ADAT1: variants seen among roughly 807,000 people sequenced by gnomAD.
ADAT1 encodes the protein adenosine deaminase tRNA specific 1.
Under a neutral mutation model 58.6 loss-of-function variants are expected in ADAT1, and 58 were observed. That is an observed-to-expected ratio of 0.99 (90% confidence interval 0.80 to 1.23). ADAT1 has a LOEUF of 1.23. Ranked by LOEUF, ADAT1 falls within the 50% of genes most tolerant of loss-of-function variation. The probability of loss-of-function intolerance (pLI) is 0.00; values close to 1 mark genes in which losing one functional copy is unlikely to be tolerated. For missense variants in ADAT1, 741 were observed against 608.6 expected (o/e 1.22, Z -2.29); for synonymous variants, 254 against 220.8 (o/e 1.15, Z -1.33).
chr16:75,615,596 T>A (rs1385991883), intron 5 of ADAT1, among the ~76,000 whole-genome samples: 2 of 150,044 alleles, frequency 1.3e-5, no homozygotes, highest in African/African-American at 4.9e-5. Context: ...CTGGGCTGCA[T>A]GTAGCCAGGC....
intron 8 of ADAT1, among the ~76,000 whole-genome samples, chr16:75,606,183 G>C (rs536232921): frequency 6.6e-6 from 1 of 152,130 alleles, no homozygotes; most frequent in South Asian, 2.1e-4. Context: ...GGTAAGGTTA[G>C]TGTTTTTATC....
At chr16:75,620,487 G>T in intron 2 of ADAT1, 144 bp downstream of exon 2, 2 of 1,391,406 alleles carry the variant, frequency 1.4e-6, no homozygotes, top group Non-Finnish European at 2.0e-6. Context: ...GCCATCAGAG[G>T]TACTGCGTCA....
rs1185557725 is a variant in ADAT1 at position 75,597,170 on chromosome 16, A to G, written c.*3046T>C. ...AACCTCAGAATGTGACTTTAGTTGG[A>G]AATAGAGTCTTTGCAGATCTAGTTA... On this transcript the variant is annotated 3_prime_UTR_variant, in exon 10 of 10. Transcript: ENST00000564657. 9.4e-6 allele frequency: 2 copies of G among 212,088 alleles called. No individual in the cohort carries two copies. The highest frequency in any genetic ancestry group is 4.7e-5 in the African/African-American group (2 of 43,002). 13.1% of individuals were successfully genotyped at this position (212,088 alleles called of 1,614,324 possible).
In ADAT1 at chr16:75,600,307, G is replaced by A. The variant is rs754878846; in HGVS notation, c.1418C>T (p.Ala473Val). ...LDTYQEYKEA[A>V]SSYQEAWSTL... ...GCTCCAGGCTTCCTGGTAAGAGGAC[G>A]CAGCCTCCTTGTACTCCTGGTAGGT... The change falls in exon 10 of 10, where the codon GCG becomes GTG. Residue 473 changes from alanine to valine, a missense_variant. Physicochemically the swap from Ala to Val is moderately conservative, Grantham distance 64. Transcript: ENST00000564657. The A allele has an allele frequency of 1.7e-5, 27 of 1,613,900 alleles. 2 individuals are homozygous for A. In the Middle Eastern group the frequency reaches 1.8e-3, roughly 109 times the overall value.
intron 6 of ADAT1, among the ~76,000 whole-genome samples, chr16:75,610,535 A>G (rs1374054553): frequency 2.6e-5 from 4 of 152,126 alleles, no homozygotes; most frequent in Non-Finnish European, 5.9e-5. Context: ...GGACTCAAGC[A>G]ATCTGCGTGA....
In ADAT1 at chr16:75,599,754, C is replaced by T. The variant is rs1173329455; in HGVS notation, c.*462G>A. ...AAGTCTGAGGCACAGAGCAGGATCA[C>T]TGAAGAATGGGAAAAGAATGGCTCC... is the stretch of plus-strand genomic sequence containing the variant. On this transcript the variant is annotated 3_prime_UTR_variant, in exon 10 of 10. Coordinates refer to ENST00000564657, the MANE Select transcript of ADAT1 (RefSeq NM_001324445.2). 3.0e-6 allele frequency: 3 copies of T among 992,588 alleles called. No homozygotes were observed. Among genetic ancestry groups the T allele is most frequent in the Admixed American group, 1.2e-4 (2 of 17,062 alleles). 61.5% of individuals were successfully genotyped at this position (992,588 alleles called of 1,614,324 possible). A position where few individuals can be genotyped will look rare whatever the true frequency, so the allele number is the denominator to read the frequency against.
Position 75,597,507 on chromosome 16 carries a change from A to G in ADAT1, c.*2709T>C, listed in dbSNP as rs181477086. The G allele has an allele frequency of 1.0e-3, 376 of 367,942 alleles. 2 individuals carry two copies. The highest frequency in any genetic ancestry group is 7.0e-3 in the African/African-American group (332 of 47,576). 22.8% of individuals were successfully genotyped at this position (367,942 alleles called of 1,614,324 possible). The stretch of plus-strand genomic sequence containing the variant: ...GCACCAGGGACTGGTTTCATGGAAG[A>G]TAATTTTTCCACAGATCCGGGGTGG... On this transcript the variant is annotated 3_prime_UTR_variant, in exon 10 of 10. Coordinates refer to ENST00000564657, the MANE Select transcript of ADAT1 (RefSeq NM_001324445.2).
At chr16:75,618,103 A>AAC (rs2081796471) in intron 4 of ADAT1, among the ~76,000 whole-genome samples, 2 of 141,954 alleles carry the variant, frequency 1.4e-5, no homozygotes, top group African/African-American at 5.8e-5. Context: ...GTGTCCAAAA[A>AAC]AAAAAAAAAA....
intron 8 of ADAT1, among the ~76,000 whole-genome samples, chr16:75,604,001 C>T (rs1004943209): frequency 2.6e-5 from 4 of 152,140 alleles, no homozygotes; most frequent in Non-Finnish European, 5.9e-5. Flanking sequence ...AAGGGGAACC[C>T]TGAGCACTCA....
At chr16:75,621,978 T>C (rs1597149851) in intron 1 of ADAT1, among the ~76,000 whole-genome samples, 1 of 152,252 alleles carries the variant, frequency 6.6e-6, no homozygotes, top group East Asian at 1.9e-4. Flanking sequence ...TGAAACCCTG[T>C]CTCTACTGAA....
In ADAT1 at chr16:75,598,710, G is replaced by C. The variant is rs1025687883; in HGVS notation, c.*1506C>G. On this transcript the variant is annotated 3_prime_UTR_variant, in exon 10 of 10. Coordinates refer to ENST00000564657, the MANE Select transcript of ADAT1 (RefSeq NM_001324445.2). Reference sequence around the variant, plus strand: ...ATTTTTGTATTTTTAGCAGAGACGGGGTTTCATCATGTTGGCCAGACTGGT... The same window carrying C: ...ATTTTTGTATTTTTAGCAGAGACGGCGTTTCATCATGTTGGCCAGACTGGT... Among the ~76,000 whole-genome samples, 1 of 151,348 alleles carries C rather than the reference G, an allele frequency of 6.6e-6. No homozygotes were observed. Among genetic ancestry groups the C allele is most frequent in the Non-Finnish European group, 1.5e-5 (1 of 67,900 alleles).
At chr16:75,608,437 G>A in intron 7 of ADAT1, 114 bp from the exon 8 acceptor site, 1 of 877,160 alleles carries the variant, frequency 1.1e-6, no homozygotes, top group South Asian at 1.6e-5. Context: ...TGGATATGAT[G>A]TCACAGACAA....
At chr16:75,602,125 C>G (rs2081248455) in intron 9 of ADAT1, 1 of 151,952 alleles carries the variant, frequency 6.6e-6, no homozygotes, top group African/African-American at 2.4e-5. Context: ...AATTAGGGCT[C>G]TGAGACACGT....
intron 3 of ADAT1, 64 bp downstream of exon 3, chr16:75,620,202 G>T: frequency 6.6e-7 from 1 of 1,525,754 alleles, no homozygotes; most frequent in Non-Finnish European, 9.1e-7. Context: ...TCCCTGACAA[G>T]GAGAGTAAAA....
At chr16:75,620,879 C>T in intron 1 of ADAT1, 59 bp from the exon 2 acceptor site, 1 of 1,436,144 alleles carries the variant, frequency 7.0e-7, no homozygotes, top group East Asian at 2.3e-5. Context: ...CACGATGCTA[C>T]AGCCTCTCAT....
Position 75,620,827 on chromosome 16 carries a change from CA to C in ADAT1, c.-21-8del. 6.3e-7 allele frequency: 1 copy of C among 1,592,486 alleles called. No homozygotes were observed. Among genetic ancestry groups the C allele is most frequent in the Non-Finnish European group, 8.6e-7 (1 of 1,164,942 alleles). On this transcript the variant is annotated splice_polypyrimidine_tract_variant and splice_region_variant and intron_variant, in intron 1 of 9. Coordinates refer to ENST00000564657, the MANE Select transcript of ADAT1 (RefSeq NM_001324445.2). ...TCTGAGCTGGTATTGAGACCTTGAT[CA>C]AAAACCACAACCATCAGAAGTACGG...
intron 5 of ADAT1, among the ~76,000 whole-genome samples, 184 bp from the exon 6 acceptor site, chr16:75,613,045 T>C (rs920273308): frequency 7.2e-5 from 11 of 152,246 alleles, no homozygotes; most frequent in Middle Eastern, 3.4e-3. Flanking sequence ...CAGGTGATTC[T>C]GATGCAAGCT....
chr16:75,602,051 T>C (rs2081246648), intron 9 of ADAT1: 3 of 152,104 alleles, frequency 2.0e-5, no homozygotes, highest in South Asian at 4.1e-4. Flanking sequence ...AGGTGACTCA[T>C]GGTGGGCCCC....
Position 75,620,772 on chromosome 16 carries a change from G to A in ADAT1, c.28C>T (p.Leu10=), listed in dbSNP as rs776356689. ...CTGATCCCATAGTGTTCATAGCATAGCTGAGCAATCTCATCCGCGGTCCAC... is the reference window on the plus strand; with the variant it reads ...CTGATCCCATAGTGTTCATAGCATAACTGAGCAATCTCATCCGCGGTCCAC... MWTADEIAQ[L]CYEHYGIRLP... is the part of the protein sequence containing the mutation. Residue 10 remains leucine, a synonymous_variant, in exon 2 of 10, where the codon CTA becomes TTA. Coordinates refer to ENST00000564657, the MANE Select transcript of ADAT1 (RefSeq NM_001324445.2). 5 of 1,613,868 alleles carry A rather than the reference G, an allele frequency of 3.1e-6. No individual in the cohort carries two copies. The highest frequency in any genetic ancestry group is 4.2e-6 in the Non-Finnish European group (5 of 1,179,818).
Sources: allele counts gnomAD v4.1 joint callset (sites outside exome capture counted in the v4.1 genomes callset), GRCh38; gene constraint gnomAD v4.1.1; transcripts MANE v1.5; gene names NCBI Gene and HGNC (gene_info 2026-07-23, HGNC 2026-07-21).